Variants in RBFOX1 observed in about 807,000 individuals in gnomAD.
RBFOX1 encodes RNA binding protein fox-1 homolog 1.
RBFOX1 carries 8 observed loss-of-function variants against 57.7 expected under a neutral mutation model. The ratio of observed to expected loss-of-function variants is 0.14; its 90% CI spans 0.08 to 0.25. RBFOX1 has a LOEUF of 0.25. Among genes scored for constraint, RBFOX1 ranks in the 10% least tolerant of loss-of-function variants. RBFOX1 has a pLI of 1.00. For synonymous variants in RBFOX1, 326 were observed against 222.4 expected (o/e 1.47, Z -4.15); for missense variants, 611 against 548.5 (o/e 1.11, Z -1.14).
At chr16:6,277,734 A>G (rs955225765) in intron 1 of RBFOX1, among the ~76,000 whole-genome samples, 1 of 151,908 alleles carries the variant, frequency 6.6e-6, no homozygotes, top group Non-Finnish European at 1.5e-5. Context: ...CGACCGCTGT[A>G]TATAACTGCT....
intron 3 of RBFOX1, among the ~76,000 whole-genome samples, chr16:6,843,807 C>G (rs887910504): frequency 5.9e-5 from 9 of 152,104 alleles, no homozygotes; most frequent in Admixed American, 6.5e-5. Context: ...AAAGAAATAA[C>G]AAAAACAAGA....
intron 3 of RBFOX1, among the ~76,000 whole-genome samples, chr16:6,788,642 ATTGT>A (rs1296334763): frequency 2.7e-4 from 41 of 151,062 alleles, no homozygotes; most frequent in African/African-American, 8.5e-4. Flanking sequence ...TGCCCAGCTG[ATTGT>A]TTGTATTTTT....
chr16:6,909,907 C>T (rs949394277), intron 3 of RBFOX1, among the ~76,000 whole-genome samples: 2 of 152,044 alleles, frequency 1.3e-5, no homozygotes, highest in African/African-American at 2.4e-5. Context: ...TAATTCTGTT[C>T]GGGCAGGATT....
intron 10 of RBFOX1, among the ~76,000 whole-genome samples, chr16:7,620,267 C>T (rs1212654757): frequency 6.6e-6 from 1 of 152,190 alleles, no homozygotes; most frequent in Non-Finnish European, 1.5e-5. Flanking sequence ...AATATTCGAT[C>T]AAGTACACAT....
Position 7,085,168 on chromosome 16 carries a change from C to A in RBFOX1, c.27+33070C>A, listed in dbSNP as rs2059800956. 2.6e-5 allele frequency among the ~76,000 whole-genome samples: 4 copies of A among 152,076 alleles called. No homozygotes were observed. In the South Asian group the frequency reaches 8.3e-4, roughly 31 times the overall value. On this transcript the variant is annotated intron_variant, in intron 4 of 15. Transcript: ENST00000550418. ...ATAAAGAGGCTACAAACATAAATGC[C>A]TCCAAGGGCCAGGCCTATAAAGGAA...
chr16:6,814,485 C>CT (rs1199757772), intron 3 of RBFOX1, among the ~76,000 whole-genome samples: 29 of 152,064 alleles, frequency 1.9e-4, no homozygotes, highest in African/African-American at 6.8e-4. Context: ...CTTCATGGGG[C>CT]TTAGAGTCTA....
intron 3 of RBFOX1, among the ~76,000 whole-genome samples, chr16:5,836,321 G>A (rs534693079): frequency 1.3e-5 from 2 of 152,240 alleles, no homozygotes; most frequent in African/African-American, 2.4e-5. Context: ...CAGAAAGGAA[G>A]CTCCAAGACC....
At chr16:5,473,530 C>T (rs972021970) in intron 2 of RBFOX1, among the ~76,000 whole-genome samples, 3 of 151,706 alleles carry the variant, frequency 2.0e-5, no homozygotes, top group Admixed American at 6.6e-5. Flanking sequence ...ATGCACGTTG[C>T]ATGGGTGGGT....
intron 3 of RBFOX1, among the ~76,000 whole-genome samples, chr16:5,687,894 A>G (rs552368032): frequency 6.6e-6 from 1 of 152,174 alleles, no homozygotes. Flanking sequence ...TCATAAACAA[A>G]GCAGACTCTG....
At chr16:5,906,796 G>A (rs1247429918) in intron 4 of RBFOX1, among the ~76,000 whole-genome samples, 1 of 136,098 alleles carries the variant, frequency 7.3e-6, no homozygotes. Context: ...GTGCAGTGAC[G>A]CTTTCTTGGC....
In RBFOX1 at chr16:6,316,979, C is replaced by G. The variant is rs1377389322; in HGVS notation, c.-126-16C>G. On this transcript the variant is annotated splice_polypyrimidine_tract_variant and intron_variant, in intron 1 of 15. Coordinates refer to ENST00000550418, the MANE Select transcript of RBFOX1 (RefSeq NM_018723.4). Reference sequence around the variant, plus strand: ...CATTTCTTGATACTAAAGTCATTCCCCTTTTTCTTCTTTAGGAAACTGGTC... The same window carrying G: ...CATTTCTTGATACTAAAGTCATTCCGCTTTTTCTTCTTTAGGAAACTGGTC... 1.3e-6 allele frequency: 2 copies of G among 1,533,148 alleles called. No individual in the cohort carries two copies. Among genetic ancestry groups the G allele is most frequent in the African/African-American group, 2.7e-5 (2 of 72,900 alleles). The allele number at this position is 1,533,148 out of a possible 1,614,324, so 95.0% of individuals were successfully genotyped here.
At chr16:6,647,671 C>T (rs541533890) in intron 2 of RBFOX1, among the ~76,000 whole-genome samples, 7 of 152,304 alleles carry the variant, frequency 4.6e-5, no homozygotes, top group East Asian at 1.9e-4. Context: ...CACATACATT[C>T]AGTCCATCAT....
At chr16:7,580,601 A>G (rs955786380) in intron 6 of RBFOX1, among the ~76,000 whole-genome samples, 2 of 152,184 alleles carry the variant, frequency 1.3e-5, no homozygotes, top group Admixed American at 6.5e-5. Flanking sequence ...TGAAACACAG[A>G]GCAGGCCACA....
intron 3 of RBFOX1, among the ~76,000 whole-genome samples, chr16:5,856,181 C>CTATATATATA (rs1436879098): frequency 2.0e-5 from 1 of 50,042 alleles, no homozygotes; most frequent in Non-Finnish European, 3.6e-5. Flanking sequence ...CTCTCTCTCT[C>CTATATATATA]TCTCTCTATA....
chr16:6,939,407 A>C (rs532444996), intron 3 of RBFOX1, among the ~76,000 whole-genome samples: 1 of 151,896 alleles, frequency 6.6e-6, no homozygotes, highest in East Asian at 1.9e-4. Context: ...GTGTGTATAT[A>C]TATATATGTA....
chr16:7,289,537 A>G (rs530920148), intron 4 of RBFOX1, among the ~76,000 whole-genome samples: 49 of 152,218 alleles, frequency 3.2e-4, no homozygotes, highest in African/African-American at 1.2e-3. Flanking sequence ...CATTATCACC[A>G]TCAGCATCAA....
chr16:6,220,415 T>C (rs1479656518), intron 1 of RBFOX1, among the ~76,000 whole-genome samples: 1 of 152,216 alleles, frequency 6.6e-6, no homozygotes, highest in African/African-American at 2.4e-5. Flanking sequence ...ACTGGAGGGA[T>C]TGAAACAAGA....
At chr16:5,601,839 C>T (rs889848672), downstream of RBFOX1, among the ~76,000 whole-genome samples, 1 of 152,184 alleles carries the variant, frequency 6.6e-6, no homozygotes, top group African/African-American at 2.4e-5. Context: ...GAGATGGCTC[C>T]ATTTCCCCAG....
chr16:6,979,564 A>G (rs981873971), intron 3 of RBFOX1, among the ~76,000 whole-genome samples: 7 of 152,318 alleles, frequency 4.6e-5, no homozygotes, highest in African/African-American at 1.7e-4. Flanking sequence ...TTGCAAAAGA[A>G]GAGATAGCAG....
Sources: gnomAD v4.1 joint callset for allele counts (sites outside exome capture counted in the v4.1 genomes callset) on GRCh38, gnomAD v4.1.1 for gene constraint, MANE v1.5 for transcripts, NCBI Gene and HGNC (gene_info 2026-07-23, HGNC 2026-07-21) for gene names.